Variants in NAV2 observed in about 807,000 individuals in gnomAD.
The protein encoded by NAV2 is neuron navigator 2.
Under a neutral mutation model 223.2 loss-of-function variants are expected in NAV2, and 54 were observed. The ratio of observed to expected loss-of-function variants is 0.24; its 90% CI spans 0.19 to 0.30. The LOEUF (loss-of-function observed/expected upper bound fraction) is 0.30. NAV2 is among the 10% of genes least tolerant of loss of function. The probability of loss-of-function intolerance (pLI) is 1.00; values close to 1 mark genes in which losing one functional copy is unlikely to be tolerated. For missense variants in NAV2, 2,806 were observed against 3,147.5 expected (o/e 0.89, Z 2.60); for synonymous variants, 1,279 against 1,239.3 (o/e 1.03, Z -0.67).
chr11:20,080,195 AAGC>A lies in NAV2; in HGVS notation c.5312_5314del (p.Lys1771del), dbSNP rs777669469. On this transcript the variant is annotated inframe_deletion, in exon 25 of 38. Transcript: ENST00000349880. Reference sequence around the variant, plus strand: ...CATAGAGAGTGACTCAAAGAAGAAGAAGCGGAAGAACTGGGTGAGTGCACATCC... The same window carrying A: ...CATAGAGAGTGACTCAAAGAAGAAGAGGAAGAACTGGGTGAGTGCACATCC... 2.3e-5 allele frequency: 36 copies of A among 1,598,554 alleles called. No homozygotes were observed. The highest frequency in any genetic ancestry group is 1.2e-4 in the Admixed American group (7 of 59,556).
intron 1 of NAV2, among the ~76,000 whole-genome samples, chr11:19,579,340 C>G (rs747308956): frequency 6.0e-4 from 92 of 152,136 alleles, no homozygotes; most frequent in Non-Finnish European, 9.3e-4. Context: ...GGATTCTCTC[C>G]CAGGCCTGGT....
intron 1 of NAV2, among the ~76,000 whole-genome samples, chr11:19,489,121 G>C (rs975993820): frequency 2.0e-5 from 3 of 152,228 alleles, no homozygotes; most frequent in Non-Finnish European, 4.4e-5. Flanking sequence ...TATCCAGAAG[G>C]TTCCCTTTAC....
At chr11:19,704,023 G>A (rs150792889) in intron 1 of NAV2, among the ~76,000 whole-genome samples, 2 of 151,804 alleles carry the variant, frequency 1.3e-5, no homozygotes, top group East Asian at 1.9e-4. Context: ...GTTTTTTTTG[G>A]GGGGGTGGAA....
chr11:19,989,436 G>C lies in NAV2; in HGVS notation c.2768+5189G>C, dbSNP rs141037019. ...CCTAGAGCCTCCAGAAATGAATGTA[G>C]CCCTGCACATACCCATCATTTTAGC... On this transcript the variant is annotated intron_variant, in intron 11 of 37. Transcript: ENST00000349880. 5.0e-3 allele frequency among the ~76,000 whole-genome samples: 762 copies of C among 152,204 alleles called. 11 individuals carry two copies. The highest frequency in any genetic ancestry group is 0.017 in the African/African-American group (724 of 41,520).
intron 11 of NAV2, among the ~76,000 whole-genome samples, chr11:19,984,614 CACAGA>C (rs2050602139): frequency 6.6e-6 from 1 of 152,162 alleles, no homozygotes; most frequent in Non-Finnish European, 1.5e-5. Flanking sequence ...CACCTTGTGG[CACAGA>C]AGGTCTGTGT....
At chr11:20,106,491 C>T (rs1351813098) in intron 35 of NAV2, among the ~76,000 whole-genome samples, 3 of 129,552 alleles carry the variant, frequency 2.3e-5, no homozygotes, top group African/African-American at 5.8e-5. Context: ...ACCCAGGAGG[C>T]GGAGGCTGCT....
intron 1 of NAV2, among the ~76,000 whole-genome samples, chr11:19,581,528 C>T (rs2045717061): frequency 6.6e-6 from 1 of 152,180 alleles, no homozygotes; most frequent in Admixed American, 6.5e-5. Context: ...TCCCCCACCC[C>T]ACAACAGGCC....
intron 1 of NAV2, among the ~76,000 whole-genome samples, chr11:19,491,439 T>C (rs2042623765): frequency 6.6e-6 from 1 of 152,246 alleles, no homozygotes; most frequent in Non-Finnish European, 1.5e-5. Flanking sequence ...TACTTGCTGC[T>C]TCACCTTGTA....
intron 1 of NAV2, among the ~76,000 whole-genome samples, chr11:19,476,574 C>G (rs926888994): frequency 6.6e-6 from 1 of 152,204 alleles, no homozygotes; most frequent in East Asian, 1.9e-4. Flanking sequence ...GGCAGTTTTT[C>G]CCCCTGAACT....
At chr11:20,050,946 G>A (rs1261767631) in intron 16 of NAV2, among the ~76,000 whole-genome samples, 3 of 152,222 alleles carry the variant, frequency 2.0e-5, no homozygotes, top group African/African-American at 7.2e-5. Flanking sequence ...TGCAGAGAGT[G>A]CCCCTGGGCA....
chr11:19,353,219 G>A (rs1012865189), intron 1 of NAV2, among the ~76,000 whole-genome samples: 5 of 152,170 alleles, frequency 3.3e-5, no homozygotes, highest in East Asian at 1.9e-4. Context: ...GATGTTTAGC[G>A]AAAGACAATT....
At chr11:19,776,740 G>A (rs1032480018) in intron 1 of NAV2, among the ~76,000 whole-genome samples, 3 of 151,496 alleles carry the variant, frequency 2.0e-5, no homozygotes, top group African/African-American at 4.9e-5. Context: ...GCTCCAGGGG[G>A]AGGCGGCTCT....
chr11:19,713,609 C>T lies in NAV2; in HGVS notation c.-87C>T. The stretch of plus-strand genomic sequence containing the variant: ...GCGCCTCGTGGGCTAAGGCCCGGCG[C>T]CTGCTCTGCTACCCGCGCTGCCTTT... On this transcript the variant is annotated 5_prime_UTR_variant, in exon 1 of 38. Coordinates refer to ENST00000349880, the MANE Select transcript of NAV2 (RefSeq NM_145117.5). This position sits in a 1 kb window ranked among gnomAD's most constrained non-coding sequence, Gnocchi z 7.2. 2.1e-6 allele frequency: 3 copies of T among 1,456,164 alleles called. No individual in the cohort carries two copies. Among genetic ancestry groups the T allele is most frequent in the Non-Finnish European group, 2.7e-6 (3 of 1,103,784 alleles). 90.2% of individuals were successfully genotyped at this position (1,456,164 alleles called of 1,614,324 possible). A position where few individuals can be genotyped will look rare whatever the true frequency, so the allele number is the denominator to read the frequency against.
chr11:20,053,962 T>A (rs185139792), intron 17 of NAV2, 118 bp from the exon 18 acceptor site: 354 of 1,114,564 alleles, frequency 3.2e-4, no homozygotes, highest in East Asian at 1.4e-3. Context: ...GATCTGATTT[T>A]AAAAAAAATC....
chr11:19,729,029 G>T (rs1276756615), intron 1 of NAV2, among the ~76,000 whole-genome samples: 1 of 152,164 alleles, frequency 6.6e-6, no homozygotes, highest in Non-Finnish European at 1.5e-5. Context: ...TAAGTGTGCA[G>T]AATCATGGGC....
intron 22 of NAV2, 59 bp from the exon 23 acceptor site, chr11:20,077,493 C>A (rs1040301200): frequency 1.5e-6 from 2 of 1,342,664 alleles, no homozygotes; most frequent in Non-Finnish European, 2.1e-6. Flanking sequence ...GAGCCAGACA[C>A]CTTCTAAGCA....
chr11:19,584,989 TC>T (rs142577367), intron 1 of NAV2, among the ~76,000 whole-genome samples: 144,106 of 152,024 alleles, frequency 0.95, 68,609 homozygotes, highest in Non-Finnish European at 1. Context: ...TGTTAAAGTC[TC>T]CCATTATTAT....
At chr11:19,674,654 A>G (rs1405518072) in intron 1 of NAV2, among the ~76,000 whole-genome samples, 1 of 152,154 alleles carries the variant, frequency 6.6e-6, no homozygotes, top group Non-Finnish European at 1.5e-5. Context: ...TCACCTAGAG[A>G]GCAGGTTTTC....
At chr11:19,551,367 T>A (rs1457668781) in intron 1 of NAV2, among the ~76,000 whole-genome samples, 1 of 152,224 alleles carries the variant, frequency 6.6e-6, no homozygotes, top group African/African-American at 2.4e-5. Flanking sequence ...GAGGAGGGGA[T>A]CTGCAGATCA....
Sources: gnomAD v4.1 joint callset for allele counts (sites outside exome capture counted in the v4.1 genomes callset) on GRCh38, gnomAD v4.1.1 for gene constraint, Gnocchi (gnomAD v3.1) non-coding constraint, MANE v1.5 for transcripts, NCBI Gene and HGNC (gene_info 2026-07-23, HGNC 2026-07-21) for gene names.